Variants in POLA1 observed in about 807,000 individuals in gnomAD.
POLA1 encodes the protein DNA polymerase alpha 1, catalytic subunit.
Under a neutral mutation model 124.0 loss-of-function variants are expected in POLA1, and 15 were observed. The ratio of observed to expected loss-of-function variants is 0.12; its 90% CI spans 0.08 to 0.19. POLA1 has a LOEUF of 0.19. Ranked by LOEUF, POLA1 falls within the 10% of genes least tolerant of loss-of-function variation. The pLI, the probability that POLA1 is intolerant of heterozygous loss-of-function variation, is 1.00. For synonymous variants in POLA1, 408 were observed against 389.4 expected, an observed-to-expected ratio of 1.05 and a Z score of -0.56; for missense variants, 886 against 1,103.4, an observed-to-expected ratio of 0.80 and a Z score of 2.79.
intron 36 of POLA1, among the ~76,000 whole-genome samples, chrX:24,949,734 T>C (rs2048010606): frequency 9.1e-6 from 1 of 109,624 alleles, no homozygotes; most frequent in African/African-American, 3.3e-5. Flanking sequence ...TTTTCTCTTT[T>C]TTTTTCTTTT....
intron 36 of POLA1, among the ~76,000 whole-genome samples, chrX:24,953,602 G>T (rs1345362659): frequency 8.9e-6 from 1 of 111,786 alleles, no homozygotes; most frequent in East Asian, 2.8e-4. Context: ...TTAGGAGGCA[G>T]GTGTGGCTGG....
At chrX:24,964,206 C>T (rs1019508554) in intron 36 of POLA1, among the ~76,000 whole-genome samples, 1 of 112,364 alleles carries the variant, frequency 8.9e-6, no homozygotes, top group African/African-American at 3.2e-5. Context: ...CACAGACTTT[C>T]AGCTAATAAA....
intron 36 of POLA1, among the ~76,000 whole-genome samples, chrX:24,940,697 G>A (rs1420613831): frequency 8.9e-6 from 1 of 111,953 alleles, no homozygotes; most frequent in African/African-American, 3.2e-5. Flanking sequence ...TAAAAATGTA[G>A]CCTTAAACAT....
chrX:24,995,958 C>G lies in POLA1; in HGVS notation c.*8C>G, dbSNP rs764601955. The G allele has an allele frequency of 8.3e-7, 1 of 1,201,667 alleles. No homozygotes were observed. Among genetic ancestry groups the G allele is most frequent in the Non-Finnish European group, 1.1e-6 (1 of 890,560 alleles). On this transcript the variant is annotated 3_prime_UTR_variant, in exon 37 of 37. Transcript: ENST00000379068. ...TGTGCCGTGAAATCCTAAGGGAATC[C>G]CAGGAGTAACCAAGGAGGGGGTAGT...
chrX:24,804,761 T>G (rs762367238), intron 26 of POLA1, among the ~76,000 whole-genome samples: 1 of 111,892 alleles, frequency 8.9e-6, no homozygotes, highest in Non-Finnish European at 1.9e-5. Context: ...ACTCTTTTAG[T>G]CTGTAATAGC....
At chrX:24,918,454 C>T (rs1374677265) in intron 35 of POLA1, among the ~76,000 whole-genome samples, 5 of 111,284 alleles carry the variant, frequency 4.5e-5, no homozygotes. Context: ...AATTTAACCC[C>T]CCAAAAAAGA....
At chrX:24,801,558 G>C (rs1184217109) in intron 26 of POLA1, among the ~76,000 whole-genome samples, 1 of 111,168 alleles carries the variant, frequency 9.0e-6, no homozygotes, top group East Asian at 2.8e-4. Flanking sequence ...GGGATACATA[G>C]GACTAGGATA....
chrX:24,909,951 C>T lies in POLA1; in HGVS notation c.4165-20502C>T, dbSNP rs1165420181. Among the ~76,000 whole-genome samples the T allele has an allele frequency of 7.2e-5, 8 of 110,891 alleles. 1 individual carries two copies. In the South Asian group the frequency reaches 3.1e-3, roughly 43 times the overall value. Reference sequence around the variant, plus strand: ...TAGTTCTCCTTGAAGAGGTCCTTCACATCCCTTGTAAGGTGGATTCCTAGG... The same window carrying T: ...TAGTTCTCCTTGAAGAGGTCCTTCATATCCCTTGTAAGGTGGATTCCTAGG... On this transcript the variant is annotated intron_variant, in intron 35 of 36. Coordinates refer to ENST00000379068, the MANE Select transcript of POLA1 (RefSeq NM_001330360.2).
intron 26 of POLA1, among the ~76,000 whole-genome samples, chrX:24,758,012 A>G (rs1228999411): frequency 9.0e-6 from 1 of 111,322 alleles, no homozygotes. Context: ...CCATTTGTCT[A>G]CATTCTTTCA....
Position 24,814,975 on chromosome X carries a change from G to A in POLA1, c.3297-4G>A, listed in dbSNP as rs778428449. On this transcript the variant is annotated splice_polypyrimidine_tract_variant and splice_region_variant and intron_variant, in intron 29 of 36. Coordinates refer to ENST00000379068, the MANE Select transcript of POLA1 (RefSeq NM_001330360.2). ...TTGTTTTGTTTTTTTTTTTTTTTTT[G>A]CAGCTTTGTGATTGGCCAGATTCTT... 3.4e-5 allele frequency: 15 copies of A among 441,429 alleles called. No homozygotes were observed. The Admixed American group carries it at 1.5e-3, about 44-fold the overall frequency. 36.4% of individuals were successfully genotyped at this position (441,429 alleles called of 1,213,427 possible). A position where few individuals can be genotyped will look rare whatever the true frequency, so the allele number is the denominator to read the frequency against.
chrX:24,891,707 C>T (rs997328104), intron 35 of POLA1, among the ~76,000 whole-genome samples: 1 of 111,899 alleles, frequency 8.9e-6, no homozygotes, highest in African/African-American at 3.2e-5. Context: ...GCAACTACAT[C>T]CTAGGCACTT....
At chrX:24,713,939 G>A (rs1252371292) in intron 4 of POLA1, among the ~76,000 whole-genome samples, 1 of 111,994 alleles carries the variant, frequency 8.9e-6, no homozygotes, top group Non-Finnish European at 1.9e-5. Flanking sequence ...TTCAAGATTA[G>A]CTTTATCTTT....
chrX:24,942,769 C>T (rs1319609544), intron 36 of POLA1, among the ~76,000 whole-genome samples: 1 of 112,237 alleles, frequency 8.9e-6, no homozygotes, highest in Non-Finnish European at 1.9e-5. Flanking sequence ...CTGCTCACTG[C>T]AGCCTCGACC....
At chrX:24,781,169 C>CT (rs766813752) in intron 26 of POLA1, among the ~76,000 whole-genome samples, 4 of 111,495 alleles carry the variant, frequency 3.6e-5, no homozygotes, top group African/African-American at 1.3e-4. Flanking sequence ...TGTGTCTTTT[C>CT]TTTTTTTCCA....
intron 1 of POLA1, among the ~76,000 whole-genome samples, chrX:24,694,522 A>C (rs1032558219): frequency 4.5e-5 from 5 of 112,280 alleles, no homozygotes; most frequent in African/African-American, 1.6e-4. Flanking sequence ...ATGCATTAAC[A>C]ATTTTTCTTT....
intron 35 of POLA1, among the ~76,000 whole-genome samples, chrX:24,911,500 A>G (rs1039852216): frequency 9.0e-6 from 1 of 110,632 alleles, no homozygotes; most frequent in Non-Finnish European, 1.9e-5. Flanking sequence ...TGTTTATATG[A>G]GGAGAAAAGA....
chrX:24,933,599 C>T (rs1248054570), intron 36 of POLA1, among the ~76,000 whole-genome samples: 3 of 112,134 alleles, frequency 2.7e-5, no homozygotes, highest in Non-Finnish European at 5.6e-5. Flanking sequence ...CCTTTACTGT[C>T]AGTACCTAGC....
chrX:24,907,596 A>T (rs189055741), intron 35 of POLA1, among the ~76,000 whole-genome samples: 1,138 of 112,284 alleles, frequency 0.01, 8 homozygotes, highest in Non-Finnish European at 0.015. Flanking sequence ...GGAAGTGTTT[A>T]AACAATTATC....
chrX:24,884,528 G>C (rs2047041445), intron 34 of POLA1, among the ~76,000 whole-genome samples: 1 of 111,946 alleles, frequency 8.9e-6, no homozygotes, highest in African/African-American at 3.2e-5. Flanking sequence ...GGGGAACAAG[G>C]GGTTAAATAA....
Sources: gnomAD v4.1 joint callset for allele counts (sites outside exome capture counted in the v4.1 genomes callset) on GRCh38, gnomAD v4.1.1 for gene constraint, MANE v1.5 for transcripts, NCBI Gene and HGNC (gene_info 2026-07-23, HGNC 2026-07-21) for gene names.